SP140: variants seen among roughly 807,000 people sequenced by gnomAD.
SP140 encodes nuclear body protein SP140.
Under a neutral mutation model 125.0 loss-of-function variants are expected in SP140, and 81 were observed. That is an observed-to-expected ratio of 0.65 (90% CI 0.54 to 0.78). The LOEUF is 0.78. SP140 is among the 30% of genes least tolerant of loss of function. The pLI is 0.00. For missense variants in SP140, 858 were observed against 1,037.0 expected (o/e 0.83, Z 2.37); for synonymous variants, 312 against 354.0 (o/e 0.88, Z 1.33).
At chr2:230,244,657 G>A (rs1459050506) in intron 5 of SP140, among the ~76,000 whole-genome samples, 1 of 152,150 alleles carries the variant, frequency 6.6e-6, no homozygotes, top group Non-Finnish European at 1.5e-5. Context: ...AAAGAAAAAT[G>A]GAGACACAAG....
intron 3 of SP140, 130 bp downstream of exon 3, chr2:230,238,511 A>G: frequency 1.1e-6 from 1 of 934,034 alleles, no homozygotes; most frequent in Admixed American, 2.8e-5. Context: ...CAGGGGGAAT[A>G]TAATGATGAA....
chr2:230,202,434 G>T (rs562524185), upstream of SP140: 7 of 734,936 alleles, frequency 9.5e-6, 1 homozygote, highest in South Asian at 3.6e-5. Flanking sequence ...TGCTCTCTTT[G>T]TTCCTCTTGT....
At chr2:230,314,733 C>A (rs2059471660), downstream of SP140, among the ~76,000 whole-genome samples, 1 of 152,216 alleles carries the variant, frequency 6.6e-6, no homozygotes, top group South Asian at 2.1e-4. Flanking sequence ...TGACTGAGTT[C>A]CTCCTAAGGG....
upstream of SP140, chr2:230,200,522 T>G: frequency 4.3e-6 from 1 of 230,346 alleles, no homozygotes; most frequent in Non-Finnish European, 8.6e-6. Flanking sequence ...ATGGGTTGGA[T>G]CAAGCTGCAC....
At chr2:230,255,423 C>G in intron 11 of SP140, 29 bp from the exon 12 acceptor site, 3 of 1,610,944 alleles carry the variant, frequency 1.9e-6, no homozygotes, top group Non-Finnish European at 2.5e-6. Context: ...TATACTGAGA[C>G]CTCTGAGGGA....
upstream of SP140, among the ~76,000 whole-genome samples, chr2:230,224,048 G>A (rs1336962841): frequency 6.6e-6 from 1 of 152,204 alleles, no homozygotes; most frequent in Non-Finnish European, 1.5e-5. Flanking sequence ...TCTGTAGTGA[G>A]CATAGGGAAA....
chr2:230,299,882 A>C (rs1306087115), intron 22 of SP140, among the ~76,000 whole-genome samples: 1 of 152,134 alleles, frequency 6.6e-6, no homozygotes, highest in Non-Finnish European at 1.5e-5. Flanking sequence ...CAGCAGAGGC[A>C]GGCATAATCC....
chr2:230,292,151 G>A (rs1456570022), intron 19 of SP140, among the ~76,000 whole-genome samples: 1 of 152,176 alleles, frequency 6.6e-6, no homozygotes. Flanking sequence ...AATGCCACTA[G>A]ACTGCATAAA....
At chr2:230,316,504 T>G (rs1384968779), downstream of SP140, among the ~76,000 whole-genome samples, 1 of 152,234 alleles carries the variant, frequency 6.6e-6, no homozygotes, top group Non-Finnish European at 1.5e-5. Flanking sequence ...TAAAAAATGC[T>G]TATCAACTTT....
Position 230,256,913 on chromosome 2 carries a change from T to C in SP140, c.1240+1381T>C, listed in dbSNP as rs145113807. 6.6e-3 allele frequency among the ~76,000 whole-genome samples: 1,001 copies of C among 152,306 alleles called. 9 individuals carry two copies. Among genetic ancestry groups the C allele is most frequent in the African/African-American group, 0.023 (952 of 41,554 alleles). ...TTTTTCAGAGTACTCTGATAGGTGT[T>C]ATAATTTTACTCACAAAAACCTCAA... is the stretch of plus-strand genomic sequence containing the variant. On this transcript the variant is annotated intron_variant, in intron 12 of 26. Coordinates refer to ENST00000392045, the MANE Select transcript of SP140 (RefSeq NM_007237.5).
chr2:230,223,565 A>G (rs371649965), upstream of SP140, among the ~76,000 whole-genome samples: 90 of 152,348 alleles, frequency 5.9e-4, no homozygotes, highest in African/African-American at 2.0e-3. Flanking sequence ...CCTGACTGAT[A>G]AAAATGTTGG....
downstream of SP140, among the ~76,000 whole-genome samples, chr2:230,316,363 C>G (rs908038382): frequency 6.6e-6 from 1 of 152,156 alleles, no homozygotes; most frequent in Non-Finnish European, 1.5e-5. Context: ...AAACTCAGAG[C>G]TTGATGGGCC....
chr2:230,293,622 C>T (rs1300629431), intron 20 of SP140, among the ~76,000 whole-genome samples: 1 of 151,956 alleles, frequency 6.6e-6, no homozygotes, highest in African/African-American at 2.4e-5. Context: ...AGGCGACAGC[C>T]ACCCCGCCCC....
chr2:230,228,196 T>C (rs977432076), intron 1 of SP140, among the ~76,000 whole-genome samples: 2 of 152,260 alleles, frequency 1.3e-5, no homozygotes, highest in Admixed American at 6.5e-5. Context: ...GGAAATATTT[T>C]GGAATTTTCC....
Position 230,204,338 on chromosome 2 carries a change from G to A in SP140, c.-323+1059G>A, listed in dbSNP as rs543989766. ...TTCCCTGTCTCCCTAATCCTATAAC[G>A]TGTAGAGCATTGTGAGAGTGGGCAT... On this transcript the variant is annotated intron_variant, in intron 1 of 4. Coordinates refer to the SP140 transcript ENST00000456542. 3.9e-5 allele frequency among the ~76,000 whole-genome samples: 6 copies of A among 152,258 alleles called. No individual in the cohort carries two copies. The South Asian group carries it at 1.0e-3, about 26-fold the overall frequency.
chr2:230,208,200 G>A, intron 1 of SP140: 2 of 625,728 alleles, frequency 3.2e-6, no homozygotes, highest in Non-Finnish European at 5.7e-6. Context: ...GTACTTCAGG[G>A]AGTAATAGGG....
At chr2:230,267,686 T>C (rs1014321053) in intron 12 of SP140, among the ~76,000 whole-genome samples, 12 of 152,312 alleles carry the variant, frequency 7.9e-5, no homozygotes, top group Admixed American at 5.9e-4. Context: ...ATTATGGCTT[T>C]GGCAAAGACA....
chr2:230,226,385 A>C (rs564636091), intron 1 of SP140, among the ~76,000 whole-genome samples: 1 of 152,202 alleles, frequency 6.6e-6, no homozygotes, highest in East Asian at 1.9e-4. Context: ...CCCTAGAATC[A>C]CTTCAGGATC....
intron 14 of SP140, among the ~76,000 whole-genome samples, 173 bp downstream of exon 14, chr2:230,270,126 GA>G (rs1170890868): frequency 1.3e-5 from 2 of 152,140 alleles, no homozygotes; most frequent in African/African-American, 4.8e-5. Context: ...TACTATTTAA[GA>G]GGATGGACTC....
Sources: gnomAD v4.1 joint callset for allele counts (sites outside exome capture counted in the v4.1 genomes callset) on GRCh38, gnomAD v4.1.1 for gene constraint, MANE v1.5 for transcripts, NCBI Gene and HGNC (gene_info 2026-07-23, HGNC 2026-07-21) for gene names.